The following COL1A2 variants were observed in gnomAD, a reference collection of about 807,000 sequenced individuals.
COL1A2 encodes collagen alpha-2(I) chain.
COL1A2 carries 49 observed loss-of-function variants against 174.3 expected under a neutral mutation model. The observed-to-expected ratio is 0.28, with a 90% confidence interval of 0.22 to 0.36. The LOEUF is 0.36. COL1A2 is among the 10% of genes least tolerant of loss of function. The probability of loss-of-function intolerance (pLI) is 1.00; values close to 1 mark genes in which losing one functional copy is unlikely to be tolerated. For missense variants in COL1A2, 1,438 were observed against 1,822.7 expected, an observed-to-expected ratio of 0.79 and a Z score of 3.84; for synonymous variants, 655 against 606.6, an observed-to-expected ratio of 1.08 and a Z score of -1.17.
At chr7:94,410,774 C>T (rs1270318683) in intron 21 of COL1A2, 115 bp from the exon 22 acceptor site, 2 of 1,210,452 alleles carry the variant, frequency 1.7e-6, no homozygotes, top group Admixed American at 3.7e-5. Context: ...AGTGTTTTGG[C>T]TTGGTTTGTG....
rs776896858 is a variant in COL1A2 at position 94,408,781 on chromosome 7, G to C, written c.750G>C (p.Gly250=). The change falls in exon 16 of 52, where the codon GGG becomes GGC. Residue 250 remains glycine, a synonymous_variant. Transcript: ENST00000297268. ...VGPVGPAGPI[G]SAGPPGFPGA... is the part of the protein sequence containing the mutation. ...TGCTTTGATTTCAGGGTCCCATTGG[G>C]TCTGCTGGCCCTCCAGGCTTCCCAG... 6.2e-7 allele frequency: 1 copy of C among 1,614,086 alleles called. No individual in the cohort carries two copies.
rs147058179 is a variant in COL1A2 at position 94,409,731 on chromosome 7, C to T, written c.945C>T (p.Pro315=). The T allele has an allele frequency of 8.5e-5, 137 of 1,614,136 alleles. No homozygotes were observed. The highest frequency in any genetic ancestry group is 7.3e-4 in the African/African-American group (55 of 75,056). ...TGCATTTTCCTTCACAGGGCCTTCC[C>T]GGCGTTGCTGGGGCTCCCGGCCTCC... ...LTGAKGAAGL[P]GVAGAPGLPG... Residue 315 remains proline, a synonymous_variant, in exon 19 of 52, where the codon CCC becomes CCT. Coordinates refer to ENST00000297268, the MANE Select transcript of COL1A2 (RefSeq NM_000089.4).
chr7:94,421,913 C>T lies in COL1A2; in HGVS notation c.2364C>T (p.Phe788=). The T allele has an allele frequency of 6.2e-7, 1 of 1,614,100 alleles. No homozygotes were observed. Among genetic ancestry groups the T allele is most frequent in the Non-Finnish European group, 8.5e-7 (1 of 1,180,010 alleles). ...GDGGPPGMTG[F]PGAAGRTGPP... Reference sequence around the variant, plus strand: ...TTGGCTCTTAGGGTATGACTGGTTTCCCTGGTGCTGCTGGACGGACTGGTC... The same window carrying T: ...TTGGCTCTTAGGGTATGACTGGTTTTCCTGGTGCTGCTGGACGGACTGGTC... The change falls in exon 39 of 52, where the codon TTC becomes TTT. Residue 788 remains phenylalanine (F), a synonymous_variant. Transcript: ENST00000297268.
Position 94,408,175 on chromosome 7 carries a change from G to A in COL1A2, c.640-8G>A, listed in dbSNP as rs536109122. 6.2e-7 allele frequency: 1 copy of A among 1,613,694 alleles called. No individual in the cohort carries two copies. Among genetic ancestry groups the A allele is most frequent in the South Asian group, 1.1e-5 (1 of 91,040 alleles). ...TCTGGATTTTATTGAAAATATTTCT[G>A]CTTCTAGGGAGCCCGTGGGCTTCCT... On this transcript the variant is annotated splice_region_variant and splice_polypyrimidine_tract_variant and intron_variant, in intron 13 of 51. Transcript: ENST00000297268.
At chr7:94,418,214 C>A (rs1417979861) in intron 32 of COL1A2, among the ~76,000 whole-genome samples, 1 of 152,210 alleles carries the variant, frequency 6.6e-6, no homozygotes, top group Non-Finnish European at 1.5e-5. Flanking sequence ...CCTTACAATT[C>A]TGTCCACATG....
intron 9 of COL1A2, 124 bp downstream of exon 9, chr7:94,405,016 A>G (rs1455533877): frequency 2.1e-5 from 25 of 1,176,296 alleles, no homozygotes; most frequent in African/African-American, 3.1e-5. Flanking sequence ...CTCTTAATGT[A>G]TGGGAAATAT....
At chr7:94,426,391 T>C in intron 45 of COL1A2, 32 bp from the exon 46 acceptor site, 1 of 1,543,142 alleles carries the variant, frequency 6.5e-7, no homozygotes, top group Non-Finnish European at 8.8e-7. Flanking sequence ...TTTAAAACGG[T>C]AAGTCTTATC....
chr7:94,426,301 G>A (rs987063321), intron 45 of COL1A2, 122 bp from the exon 46 acceptor site: 10 of 967,650 alleles, frequency 1.0e-5, no homozygotes, highest in East Asian at 2.6e-5. Context: ...AGAGGTGAGA[G>A]CCTAGCTAAA....
chr7:94,411,084 G>C lies in COL1A2; in HGVS notation c.1280G>C (p.Gly427Ala). 3 of 1,604,300 alleles carry C rather than the reference G, an allele frequency of 1.9e-6. No individual in the cohort carries two copies. The highest frequency in any genetic ancestry group is 2.6e-6 in the Non-Finnish European group (3 of 1,175,756). Residue 427 changes from glycine (G) to alanine (A), a missense_variant, in exon 23 of 52, where the codon GGC becomes GCC. Physicochemically the swap from Gly to Ala is moderately conservative, Grantham distance 60 (BLOSUM62 0). This residue lies in a region of COL1A2 where 867 missense variants were observed against 1,213.7 expected (regional missense o/e 0.71). Transcript: ENST00000297268. ...CCTCCTGGTAGTCGTGGTGCAAGTG[G>C]CCCTGCTGGAGTCCGAGGACCTAAT... is the stretch of plus-strand genomic sequence containing the variant. ...MGPPGSRGAS[G>A]PAGVRGPNGD...
intron 1 of COL1A2, among the ~76,000 whole-genome samples, chr7:94,396,980 G>C (rs1020515502): frequency 6.6e-6 from 1 of 152,026 alleles, no homozygotes; most frequent in Non-Finnish European, 1.5e-5. Context: ...ATGGCAAAAG[G>C]GGGGATAGTA....
intron 41 of COL1A2, chr7:94,424,678 C>T (rs1792237636): frequency 1.8e-6 from 1 of 541,000 alleles, no homozygotes; most frequent in Non-Finnish European, 3.3e-6. Context: ...TCTTTCCACG[C>T]ACTTAGGAAT....
At chr7:94,422,894 C>A in intron 39 of COL1A2, 63 bp from the exon 40 acceptor site, 1 of 1,583,164 alleles carries the variant, frequency 6.3e-7, no homozygotes. Context: ...AGAATCTTTG[C>A]TGCTCTCTTC....
chr7:94,420,853 T>C, intron 37 of COL1A2, 156 bp from the exon 38 acceptor site: 1 of 887,460 alleles, frequency 1.1e-6, no homozygotes, highest in African/African-American at 1.7e-5. Context: ...GATAACCTCA[T>C]AAGGGTGGTA....
In COL1A2 at chr7:94,420,611, T is replaced by C; in HGVS notation, c.2258T>C (p.Val753Ala). Residue 753 changes from valine (V) to alanine (A), a missense_variant, in exon 37 of 52, where the codon GTT (valine) becomes GCT (alanine). By Grantham distance (64) the Val-to-Ala change is moderately conservative (BLOSUM62 0). Around this residue, in one of 3 missense-constraint regions of COL1A2, gnomAD observed 867 missense variants for 1,213.7 expected, o/e 0.71. Coordinates refer to ENST00000297268, the MANE Select transcript of COL1A2 (RefSeq NM_000089.4). ...AKGPKGENGV[V>A]GPTGPVGAAG... ...GGGCCTAAGGGTGAAAACGGTGTTGTTGGTCCCACAGGCCCCGTTGGAGCT... is the reference window on the plus strand; with the variant it reads ...GGGCCTAAGGGTGAAAACGGTGTTGCTGGTCCCACAGGCCCCGTTGGAGCT... 1 of 1,610,978 alleles carries C rather than the reference T, an allele frequency of 6.2e-7. No individual in the cohort carries two copies. Among genetic ancestry groups the C allele is most frequent in the Non-Finnish European group, 8.5e-7 (1 of 1,178,508 alleles).
In COL1A2 at chr7:94,430,258, T is replaced by C. The variant is rs1271162878; in HGVS notation, c.3966T>C (p.Asn1322=). The C allele has an allele frequency of 1.2e-6, 2 of 1,613,894 alleles. No homozygotes were observed. Among genetic ancestry groups the C allele is most frequent in the South Asian group, 1.1e-5 (1 of 91,086 alleles). The change falls in exon 52 of 52, where the codon AAT becomes AAC. Residue 1322 remains asparagine, a synonymous_variant. Coordinates refer to ENST00000297268, the MANE Select transcript of COL1A2 (RefSeq NM_000089.4). ...TTCTCTTTAAACAGAAAAAGACAAA[T>C]GAATGGGGAAAGACAATCATTGAAT... ...VLVDGCSKKT[N]EWGKTIIEYK... is the part of the protein sequence containing the mutation.
At position 94,401,604 on chromosome 7, in the gene COL1A2, T is replaced by C; in HGVS notation, c.263T>C (p.Leu88Pro). 6.3e-7 allele frequency: 1 copy of C among 1,581,340 alleles called. No homozygotes were observed. The highest frequency in any genetic ancestry group is 8.6e-7 in the Non-Finnish European group (1 of 1,161,784). Residue 88 changes from leucine to proline, a missense_variant, in exon 6 of 52, where the codon CTT (leucine) becomes CCT (proline). Physicochemically the swap from Leu to Pro is moderately conservative, Grantham distance 98. Coordinates refer to ENST00000297268, the MANE Select transcript of COL1A2 (RefSeq NM_000089.4). ...AAQYDGKGVG[L>P]GPGPMGLMGP... Reference sequence around the variant, plus strand: ...CAGTATGATGGAAAAGGAGTTGGACTTGGCCCTGGACCAATGGTATGCTTA... The same window carrying C: ...CAGTATGATGGAAAAGGAGTTGGACCTGGCCCTGGACCAATGGTATGCTTA...
At chr7:94,407,672 T>C (rs1052614119) in intron 12 of COL1A2, among the ~76,000 whole-genome samples, 175 bp from the exon 13 acceptor site, 2 of 152,198 alleles carry the variant, frequency 1.3e-5, no homozygotes, top group Non-Finnish European at 2.9e-5. Context: ...TAAAAACTCA[T>C]GTTAGCACAT....
At chr7:94,424,168 A>T (rs1319519978) in intron 40 of COL1A2, 168 bp from the exon 41 acceptor site, 9 of 623,924 alleles carry the variant, frequency 1.4e-5, no homozygotes, top group South Asian at 1.3e-4. Flanking sequence ...GCCAAGATGT[A>T]AACTCACCGT....
intron 19 of COL1A2, 106 bp downstream of exon 19, chr7:94,409,927 C>G (rs565200409): frequency 7.8e-6 from 9 of 1,148,896 alleles, no homozygotes; most frequent in South Asian, 3.9e-5. Flanking sequence ...CTATTTTTCT[C>G]TTCCTTAGCA....
Sources: gnomAD v4.1 joint callset for allele counts (sites outside exome capture counted in the v4.1 genomes callset) on GRCh38, gnomAD v4.1.1 for gene constraint, gnomAD v4.1.1 regional missense constraint, MANE v1.5 for transcripts, NCBI Gene and HGNC (gene_info 2026-07-23, HGNC 2026-07-21) for gene names.